AR: variants seen among roughly 807,000 people sequenced by gnomAD.
AR encodes the protein dihydrotestosterone receptor.
Under a neutral mutation model 53.9 loss-of-function variants are expected in AR, and 8 were observed. The ratio of observed to expected loss-of-function variants is 0.15; its 90% CI spans 0.09 to 0.27. The LOEUF (loss-of-function observed/expected upper bound fraction) is 0.27, where lower values mean the gene tolerates loss of function less well. Among genes scored for constraint, AR ranks in the 10% least tolerant of loss-of-function variants. The pLI is 1.00. For synonymous variants in AR, 359 were observed against 316.4 expected, an observed-to-expected ratio of 1.13 and a Z score of -1.43; for missense variants, 639 against 742.5, an observed-to-expected ratio of 0.86 and a Z score of 1.62.
At chrX:67,604,484 C>A (rs752864926) in intron 1 of AR, among the ~76,000 whole-genome samples, 29 of 110,880 alleles carry the variant, frequency 2.6e-4, no homozygotes, top group Non-Finnish European at 5.7e-5. Context: ...TAATGATCTG[C>A]CAACTGTCTG....
chrX:67,730,025 C>T lies in AR; in HGVS notation c.*6184C>T, dbSNP rs918764000. On this transcript the variant is annotated 3_prime_UTR_variant, in exon 8 of 8. Coordinates refer to ENST00000374690, the MANE Select transcript of AR (RefSeq NM_000044.6). ...AAAAAGTCCCCTCACAACCCAGTGA[C>T]ACCTTTCTGCTTTCCTCTAGACTGG... The T allele has an allele frequency of 1.2e-5, 2 of 173,200 alleles. No individual in the cohort carries two copies. The highest frequency in any genetic ancestry group is 5.9e-5 in the African/African-American group (2 of 33,685). The allele number at this position is 173,200 out of a possible 1,213,427, so 14.3% of individuals were successfully genotyped here.
chrX:67,699,854 G>A (rs1487400072), intron 3 of AR, among the ~76,000 whole-genome samples: 1 of 111,283 alleles, frequency 9.0e-6, no homozygotes, highest in Non-Finnish European at 1.9e-5. Flanking sequence ...GGTTGAGAAG[G>A]CCTATATCTT....
chrX:67,662,912 T>C (rs1245420624), intron 2 of AR, among the ~76,000 whole-genome samples: 1 of 111,625 alleles, frequency 9.0e-6, no homozygotes, highest in African/African-American at 3.3e-5. Context: ...CTTTGTTGGT[T>C]TAAAGTCTGT....
chrX:67,696,038 C>T (rs1330686637), intron 3 of AR: 6 of 748,836 alleles, frequency 8.0e-6, no homozygotes, highest in Non-Finnish European at 9.4e-6. Context: ...CATATTTCTA[C>T]TAGTGAAATT....
intron 6 of AR, 178 bp downstream of exon 6, chrX:67,722,141 T>C (rs960793817): frequency 8.9e-6 from 5 of 564,193 alleles, no homozygotes; most frequent in Non-Finnish European, 1.1e-5. Context: ...AAGAAACAAT[T>C]TCATGACTAG....
chrX:67,700,025 C>T (rs1237292972), intron 3 of AR, among the ~76,000 whole-genome samples: 1 of 111,052 alleles, frequency 9.0e-6, no homozygotes, highest in Non-Finnish European at 1.9e-5. Context: ...GTCTAATGCC[C>T]CAGGGCTGAA....
At chrX:67,581,176 C>T (rs1237120635) in intron 1 of AR, among the ~76,000 whole-genome samples, 5 of 111,149 alleles carry the variant, frequency 4.5e-5, no homozygotes, top group Non-Finnish European at 7.6e-5. Context: ...CCTCTCCTTA[C>T]TCCTCTCTCA....
chrX:67,637,354 T>A, intron 1 of AR, among the ~76,000 whole-genome samples: 1 of 74,417 alleles, frequency 1.3e-5, no homozygotes, highest in African/African-American at 5.4e-5. Context: ...CAGTCCCCAG[T>A]GTGTGATGTT....
rs372499543 is a variant in AR at position 67,612,122 on chromosome X, G to A, written c.1617-31134G>A. 3.3e-4 allele frequency among the ~76,000 whole-genome samples: 37 copies of A among 112,158 alleles called. 1 individual carries two copies. Among genetic ancestry groups the A allele is most frequent in the South Asian group, 1.1e-3 (3 of 2,729 alleles). ...GTGTTTTATTTTCTTAATGGTTTTC[G>A]TTATGAATGTGAAATGTGTATTTAC... is the stretch of plus-strand genomic sequence containing the variant. On this transcript the variant is annotated intron_variant, in intron 1 of 7. Transcript: ENST00000374690.
intron 1 of AR, among the ~76,000 whole-genome samples, chrX:67,587,753 C>T (rs1052951151): frequency 9.9e-5 from 11 of 111,165 alleles, no homozygotes; most frequent in Non-Finnish European, 1.5e-4. Context: ...TTAACTTCTC[C>T]GAATTTCACT....
rs143206551 is a variant in AR, at chrX:67,701,833, A to G, written c.1886-9569A>G. Among the ~76,000 whole-genome samples the G allele has an allele frequency of 6.4e-4, 72 of 112,305 alleles. No individual in the cohort carries two copies. The East Asian group carries it at 0.018, about 28-fold the overall frequency. On this transcript the variant is annotated intron_variant, in intron 3 of 7. Transcript: ENST00000374690. ...TCATGCTGAAAATCTTTAAGCCACT[A>G]TAGTGTCCCAAATCTATTCCAGTTT...
In AR at chrX:67,565,561, T is replaced by C. The variant is rs769494915; in HGVS notation, c.1616+18799T>C. Among the ~76,000 whole-genome samples, 37 of 111,931 alleles carry C rather than the reference T, an allele frequency of 3.3e-4. 1 individual carries two copies. Among genetic ancestry groups the C allele is most frequent in the Middle Eastern group, 4.6e-3 (1 of 218 alleles). On this transcript the variant is annotated intron_variant, in intron 1 of 7. Coordinates refer to ENST00000374690, the MANE Select transcript of AR (RefSeq NM_000044.6). The stretch of plus-strand genomic sequence containing the variant: ...AGTACTTTCAGACACATTATCTTTT[T>C]TACTCTTCAAAATCAACTTGGAGGT...
chrX:67,726,036 CTGTT>C lies in AR; in HGVS notation c.*2200_*2203del, dbSNP rs1195718180. The stretch of plus-strand genomic sequence containing the variant: ...AGCTGCCCATTTTAATTGATTCACT[CTGTT>C]TGTTGAGAGGATAGTTTCTGAGTGA... On this transcript the variant is annotated 3_prime_UTR_variant, in exon 8 of 8. Coordinates refer to ENST00000374690, the MANE Select transcript of AR (RefSeq NM_000044.6). 2.9e-5 allele frequency: 5 copies of C among 174,461 alleles called. No individual in the cohort carries two copies. Among genetic ancestry groups the C allele is most frequent in the African/African-American group, 1.5e-4 (5 of 33,966 alleles). 14.4% of individuals were successfully genotyped at this position (174,461 alleles called of 1,213,427 possible).
intron 1 of AR, 37 bp from the exon 2 acceptor site, chrX:67,643,219 G>T (rs747721423): frequency 2.5e-6 from 3 of 1,208,107 alleles, no homozygotes; most frequent in Non-Finnish European, 2.2e-6. Flanking sequence ...CTGCCATTCA[G>T]TGACATGTGT....
intron 1 of AR, among the ~76,000 whole-genome samples, chrX:67,619,526 A>G (rs1924276372): frequency 9.0e-6 from 1 of 111,019 alleles, no homozygotes; most frequent in African/African-American, 3.3e-5. Context: ...GAGAAACTAT[A>G]TAGTCTTATC....
At chrX:67,574,472 G>A (rs753789541) in intron 1 of AR, among the ~76,000 whole-genome samples, 18 of 110,595 alleles carry the variant, frequency 1.6e-4, no homozygotes, top group South Asian at 7.8e-4. Context: ...TGTGCTCCCC[G>A]TTTTAGCTTA....
chrX:67,728,615 A>ATATATATT lies in AR; in HGVS notation c.*4774_*4775insTATATATT, dbSNP rs1555999011. On this transcript the variant is annotated 3_prime_UTR_variant, in exon 8 of 8. Coordinates refer to ENST00000374690, the MANE Select transcript of AR (RefSeq NM_000044.6). Reference sequence around the variant, plus strand: ...TATATATATATATATATATATATATAGTGTGTGTGTGTGTTCTGATAGCTT... The same window carrying ATATATATT: ...TATATATATATATATATATATATATATATATATTGTGTGTGTGTGTGTTCTGATAGCTT... 6.5e-5 allele frequency: 6 copies of ATATATATT among 92,960 alleles called. No homozygotes were observed. The highest frequency in any genetic ancestry group is 3.9e-4 in the Admixed American group (3 of 7,642). 7.7% of individuals were successfully genotyped at this position (92,960 alleles called of 1,213,427 possible).
chrX:67,572,712 T>A (rs1921871147), intron 1 of AR, among the ~76,000 whole-genome samples: 1 of 111,460 alleles, frequency 9.0e-6, no homozygotes, highest in South Asian at 3.7e-4. Flanking sequence ...TTGTAAGTAG[T>A]AGATAATTAG....
chrX:67,584,805 T>A (rs943492082), intron 1 of AR, among the ~76,000 whole-genome samples: 2 of 112,272 alleles, frequency 1.8e-5, no homozygotes, highest in Non-Finnish European at 3.8e-5. Context: ...ACTTTTATAA[T>A]ACTTTTTGGG....
Sources: gnomAD v4.1 joint callset for allele counts (sites outside exome capture counted in the v4.1 genomes callset) on GRCh38, gnomAD v4.1.1 for gene constraint, MANE v1.5 for transcripts, NCBI Gene and HGNC (gene_info 2026-07-23, HGNC 2026-07-21) for gene names.